Variants in DLGAP2 observed in about 807,000 individuals in gnomAD.
DLGAP2 encodes the protein DLG associated protein 2.
In DLGAP2, 26 loss-of-function variants were observed where a neutral mutation model predicts 100.3. The ratio of observed to expected loss-of-function variants is 0.26; its 90% confidence interval spans 0.19 to 0.36. The LOEUF (loss-of-function observed/expected upper bound fraction) is 0.36, where lower values mean the gene tolerates loss of function less well. Ranked by LOEUF, DLGAP2 falls within the 10% of genes least tolerant of loss-of-function variation. The probability of loss-of-function intolerance (pLI) is 1.00; values close to 1 mark genes in which losing one functional copy is unlikely to be tolerated. For missense variants in DLGAP2, 1,858 were observed against 1,453.2 expected, an observed-to-expected ratio of 1.28 and a Z score of -4.53; for synonymous variants, 886 against 630.1, an observed-to-expected ratio of 1.41 and a Z score of -6.08.
chr8:1,095,453 TC>T (rs1330523118), intron 2 of DLGAP2, among the ~76,000 whole-genome samples: 1 of 152,146 alleles, frequency 6.6e-6, no homozygotes. Context: ...ACACTTGACT[TC>T]CTGGCGGTGA....
chr8:1,455,001 G>A (rs188075513), intron 3 of DLGAP2, among the ~76,000 whole-genome samples: 6 of 152,274 alleles, frequency 3.9e-5, no homozygotes, highest in Admixed American at 6.5e-5. Flanking sequence ...ACAGCCACCC[G>A]TGAGCACTGT....
At chr8:1,343,408 T>C (rs949369056) in intron 3 of DLGAP2, among the ~76,000 whole-genome samples, 9 of 152,100 alleles carry the variant, frequency 5.9e-5, no homozygotes, top group Admixed American at 3.3e-4. Flanking sequence ...TGGGGTTTTC[T>C]TGGGGTCCAT....
chr8:921,535 C>T (rs1454004044), intron 2 of DLGAP2, among the ~76,000 whole-genome samples: 5 of 152,248 alleles, frequency 3.3e-5, no homozygotes, highest in African/African-American at 4.8e-5. Context: ...CATCCCGGAA[C>T]GGGAGGAGAC....
chr8:1,366,194 T>G (rs1802104554), intron 3 of DLGAP2, among the ~76,000 whole-genome samples: 1 of 152,260 alleles, frequency 6.6e-6, no homozygotes, highest in Admixed American at 6.5e-5. Flanking sequence ...AACAATGAAT[T>G]CTAATGTGCT....
intron 2 of DLGAP2, among the ~76,000 whole-genome samples, chr8:1,178,989 C>G (rs1190097023): frequency 6.6e-6 from 1 of 152,238 alleles, no homozygotes; most frequent in African/African-American, 2.4e-5. Flanking sequence ...AGCTTTAGGT[C>G]CCTACAGATT....
intron 4 of DLGAP2, among the ~76,000 whole-genome samples, chr8:1,510,068 T>C (rs183379981): frequency 2.6e-4 from 39 of 152,352 alleles, no homozygotes; most frequent in African/African-American, 9.4e-4. Flanking sequence ...ACTTCTGTAA[T>C]TTTAGATTCT....
chr8:1,548,576 G>A, intron 4 of DLGAP2, 50 bp from the exon 5 acceptor site: 1 of 1,432,664 alleles, frequency 7.0e-7, no homozygotes. Context: ...CGCACCTGAG[G>A]GTTTCCGCCG....
chr8:1,546,130 C>G (rs1014079222), intron 4 of DLGAP2, among the ~76,000 whole-genome samples: 1 of 152,172 alleles, frequency 6.6e-6, no homozygotes, highest in African/African-American at 2.4e-5. Flanking sequence ...AAAGTGCTCT[C>G]ATTATAATTT....
intron 2 of DLGAP2, among the ~76,000 whole-genome samples, chr8:1,211,601 C>T (rs1404924705): frequency 6.6e-6 from 1 of 152,216 alleles, no homozygotes; most frequent in Non-Finnish European, 1.5e-5. Context: ...TGTGTCCAGG[C>T]ACAGTGGCAC....
chr8:853,353 C>T (rs560059520), intron 1 of DLGAP2, among the ~76,000 whole-genome samples: 3 of 152,336 alleles, frequency 2.0e-5, no homozygotes, highest in Non-Finnish European at 4.4e-5. Context: ...CCACGCATGT[C>T]GTCCAACAGG....
chr8:1,472,315 C>T (rs570024155), intron 3 of DLGAP2, among the ~76,000 whole-genome samples: 3 of 152,168 alleles, frequency 2.0e-5, no homozygotes, highest in African/African-American at 7.2e-5. Flanking sequence ...GGGAGGGAGG[C>T]CAGGGGCGCA....
At chr8:1,175,832 G>A (rs185494285) in intron 2 of DLGAP2, among the ~76,000 whole-genome samples, 3 of 152,164 alleles carry the variant, frequency 2.0e-5, no homozygotes, top group Non-Finnish European at 4.4e-5. Context: ...GAAGGCACTC[G>A]GCATTGGATT....
intron 1 of DLGAP2, among the ~76,000 whole-genome samples, chr8:798,939 C>A (rs1327616779): frequency 6.6e-6 from 1 of 152,256 alleles, no homozygotes; most frequent in Non-Finnish European, 1.5e-5. Context: ...TTGTTGAGAG[C>A]CTTCCCACTT....
intron 3 of DLGAP2, among the ~76,000 whole-genome samples, chr8:1,433,610 A>G (rs1418942047): frequency 6.9e-6 from 1 of 144,922 alleles, no homozygotes; most frequent in African/African-American, 2.5e-5. Flanking sequence ...TGGGCAGCCA[A>G]CGCAGCTGAC....
intron 1 of DLGAP2, among the ~76,000 whole-genome samples, chr8:778,734 C>G (rs1161631283): frequency 2.0e-5 from 3 of 152,260 alleles, no homozygotes; most frequent in Middle Eastern, 3.2e-3. Context: ...AGAACCACTG[C>G]TCTCTTCAAA....
chr8:750,218 C>T lies in DLGAP2; in HGVS notation c.18+12393C>T, dbSNP rs11989205. Among the ~76,000 whole-genome samples, 1,239 of 152,336 alleles carry T rather than the reference C, an allele frequency of 8.1e-3. 21 individuals carry two copies. The highest frequency in any genetic ancestry group is 0.028 in the African/African-American group (1,176 of 41,580). Reference sequence around the variant, plus strand: ...CCGTTGCCAGAGCTCTCTCTAGACACGCGCATCCACCCTGGCACCACCCGT... The same window carrying T: ...CCGTTGCCAGAGCTCTCTCTAGACATGCGCATCCACCCTGGCACCACCCGT... On this transcript the variant is annotated intron_variant, in intron 1 of 14. Transcript: ENST00000637795.
chr8:1,464,316 A>T (rs77534150), intron 3 of DLGAP2, among the ~76,000 whole-genome samples: 2 of 52,584 alleles, frequency 3.8e-5, no homozygotes, highest in Non-Finnish European at 7.1e-5. Context: ...CTTCCAGGAC[A>T]ACGCCCTTCC....
intron 2 of DLGAP2, among the ~76,000 whole-genome samples, chr8:957,052 C>G (rs1234123263): frequency 1.3e-5 from 2 of 152,192 alleles, no homozygotes; most frequent in Non-Finnish European, 2.9e-5. Context: ...ATTTCAAGCA[C>G]CCAAGCTGGT....
At chr8:1,124,489 C>T (rs1796121545) in intron 2 of DLGAP2, among the ~76,000 whole-genome samples, 1 of 152,160 alleles carries the variant, frequency 6.6e-6, no homozygotes, top group Non-Finnish European at 1.5e-5. Context: ...TAATGTTTTC[C>T]TATGTTTCTA....
Sources: gnomAD v4.1 joint callset for allele counts (sites outside exome capture counted in the v4.1 genomes callset) on GRCh38, gnomAD v4.1.1 for gene constraint, MANE v1.5 for transcripts, NCBI Gene and HGNC (gene_info 2026-07-23, HGNC 2026-07-21) for gene names.